HMCN1: variants seen among roughly 807,000 people sequenced by gnomAD.
HMCN1 encodes the protein hemicentin 1.
Under a neutral mutation model 625.9 loss-of-function variants are expected in HMCN1, and 321 were observed. The ratio of observed to expected loss-of-function variants is 0.51; its 90% CI spans 0.47 to 0.56. The LOEUF (loss-of-function observed/expected upper bound fraction) is 0.56, where lower values mean the gene tolerates loss of function less well. Among genes scored for constraint, HMCN1 ranks in the 20% least tolerant of loss-of-function variants. The pLI is 0.00. For synonymous variants in HMCN1, 2,425 were observed against 2,417.6 expected, an observed-to-expected ratio of 1.00 and a Z score of -0.09; for missense variants, 6,588 against 6,887.3, an observed-to-expected ratio of 0.96 and a Z score of 1.54.
chr1:185,921,019 A>G (rs1343619934), intron 6 of HMCN1, among the ~76,000 whole-genome samples: 1 of 152,204 alleles, frequency 6.6e-6, no homozygotes. Context: ...AAAGTTTTAT[A>G]CAACCCTACA....
intron 52 of HMCN1, among the ~76,000 whole-genome samples, chr1:186,073,570 C>T (rs996527945): frequency 1.1e-4 from 16 of 151,938 alleles, no homozygotes; most frequent in Non-Finnish European, 5.9e-5. Flanking sequence ...ATGCCCTTGA[C>T]CAGCAAATTC....
intron 38 of HMCN1, 128 bp from the exon 39 acceptor site, chr1:186,039,600 A>G (rs1656073564): frequency 1.1e-6 from 1 of 950,490 alleles, no homozygotes; most frequent in African/African-American, 1.6e-5. Flanking sequence ...GATGTGAAAG[A>G]ACTTACCAAA....
At chr1:186,125,876 A>C (rs905876047) in intron 82 of HMCN1, 82 bp downstream of exon 82, 18 of 960,670 alleles carry the variant, frequency 1.9e-5, no homozygotes, top group African/African-American at 4.0e-5. Flanking sequence ...GCATGGAAGT[A>C]TATTCTTTAA....
intron 2 of HMCN1, among the ~76,000 whole-genome samples, 169 bp downstream of exon 2, chr1:185,846,265 C>A (rs941638602): frequency 6.6e-6 from 1 of 152,138 alleles, no homozygotes; most frequent in Non-Finnish European, 1.5e-5. Context: ...TTGAACAATA[C>A]ATACAGAAAT....
At chr1:185,825,109 A>G (rs532392772) in intron 1 of HMCN1, among the ~76,000 whole-genome samples, 5 of 152,288 alleles carry the variant, frequency 3.3e-5, no homozygotes, top group East Asian at 3.9e-4. Flanking sequence ...ATAAATACTT[A>G]TTGAACATCT....
At chr1:186,112,297 A>G (rs941528672) in intron 71 of HMCN1, among the ~76,000 whole-genome samples, 7 of 152,256 alleles carry the variant, frequency 4.6e-5, no homozygotes, top group African/African-American at 1.7e-4. Flanking sequence ...ACTTAAATGA[A>G]AAGGAAAAAC....
At chr1:185,853,175 G>C (rs1476742428) in intron 2 of HMCN1, among the ~76,000 whole-genome samples, 3 of 152,032 alleles carry the variant, frequency 2.0e-5, no homozygotes, top group Admixed American at 2.0e-4. Flanking sequence ...TGTATGTCTA[G>C]GGCTGATCTC....
At chr1:186,072,721 G>A (rs1445849006) in intron 52 of HMCN1, among the ~76,000 whole-genome samples, 3 of 152,168 alleles carry the variant, frequency 2.0e-5, no homozygotes, top group Non-Finnish European at 4.4e-5. Context: ...CCAAAGTAAA[G>A]AGCACAGCAA....
chr1:186,105,043 C>T (rs1002677361), intron 69 of HMCN1, among the ~76,000 whole-genome samples: 10 of 151,982 alleles, frequency 6.6e-5, no homozygotes, highest in Non-Finnish European at 1.2e-4. Context: ...AACAAAAAGT[C>T]GAGTTATAAG....
chr1:186,068,144 T>C (rs1658245793), intron 50 of HMCN1, 137 bp downstream of exon 50: 3 of 833,476 alleles, frequency 3.6e-6, no homozygotes, highest in African/African-American at 1.7e-5. Flanking sequence ...TGGTTCCTAA[T>C]AGGCCACAGG....
intron 2 of HMCN1, among the ~76,000 whole-genome samples, chr1:185,851,868 G>A (rs1662183165): frequency 1.3e-5 from 2 of 151,660 alleles, no homozygotes; most frequent in Admixed American, 6.6e-5. Context: ...CTACAATAAT[G>A]AGATTACAAT....
intron 14 of HMCN1, among the ~76,000 whole-genome samples, chr1:185,967,265 C>G (rs913205556): frequency 6.6e-6 from 1 of 152,104 alleles, no homozygotes. Flanking sequence ...TTCCCCCAAA[C>G]TGGGACTGTG....
chr1:185,849,016 C>G (rs1485539261), intron 2 of HMCN1, among the ~76,000 whole-genome samples: 1 of 152,138 alleles, frequency 6.6e-6, no homozygotes, highest in Non-Finnish European at 1.5e-5. Context: ...GAATACAGCT[C>G]TGAAAGTTTC....
At chr1:186,004,426 G>A (rs977673522) in intron 29 of HMCN1, among the ~76,000 whole-genome samples, 7 of 151,878 alleles carry the variant, frequency 4.6e-5, no homozygotes, top group African/African-American at 1.7e-4. Flanking sequence ...AAGATTTGTG[G>A]TATATAAAAT....
intron 93 of HMCN1, among the ~76,000 whole-genome samples, chr1:186,148,512 CTGT>C (rs930270885): frequency 6.6e-6 from 1 of 151,950 alleles, no homozygotes; most frequent in African/African-American, 2.4e-5. Flanking sequence ...ATATTTCTTT[CTGT>C]TTTTTTTGTT....
intron 30 of HMCN1, among the ~76,000 whole-genome samples, chr1:186,012,830 G>A (rs999873100): frequency 6.6e-6 from 1 of 152,034 alleles, no homozygotes; most frequent in African/African-American, 2.4e-5. Context: ...GAAAAATCGG[G>A]AATATTGTGG....
chr1:185,829,560 C>A (rs1307684509), intron 1 of HMCN1, among the ~76,000 whole-genome samples: 1 of 152,170 alleles, frequency 6.6e-6, no homozygotes, highest in Non-Finnish European at 1.5e-5. Flanking sequence ...CTTGTAGCTT[C>A]ATCCATGTCC....
intron 97 of HMCN1, among the ~76,000 whole-genome samples, chr1:186,161,755 C>T (rs570404018): frequency 6.6e-6 from 1 of 152,178 alleles, no homozygotes; most frequent in South Asian, 2.1e-4. Flanking sequence ...GGCCCCCACT[C>T]TCTTCTGGCT....
At chr1:185,811,172 C>T (rs1659491308) in intron 1 of HMCN1, among the ~76,000 whole-genome samples, 1 of 152,002 alleles carries the variant, frequency 6.6e-6, no homozygotes, top group South Asian at 2.1e-4. Flanking sequence ...GAGAAAAACG[C>T]TTGAAGAAAA....
Sources: gnomAD v4.1 joint callset for allele counts (sites outside exome capture counted in the v4.1 genomes callset) on GRCh38, gnomAD v4.1.1 for gene constraint, MANE v1.5 for transcripts, NCBI Gene and HGNC (gene_info 2026-07-23, HGNC 2026-07-21) for gene names.